SPMIP8: variants seen among roughly 807,000 people sequenced by gnomAD.
SPMIP8 encodes the protein sperm microtubule inner protein 8, also known as testicular tissue protein Li 196.
the SPMIP8 span, chr16:57,985,600 T>C: frequency 6.5e-6 from 10 of 1,527,632 alleles, no homozygotes; most frequent in Non-Finnish European, 8.8e-6. Flanking sequence ...GAGGATGAGG[T>C]CTGGGCCGCT....
the SPMIP8 span, chr16:57,985,108 GTGGGCGGGGCTGGA>G: frequency 7.9e-7 from 1 of 1,273,530 alleles, no homozygotes; most frequent in Non-Finnish European, 1.0e-6. Context: ...GGGCTGGATT[GTGGGCGGGGCTGGA>G]TTGTGGGCGG....
the SPMIP8 span, chr16:57,978,025 C>T: frequency 1.2e-6 from 2 of 1,613,780 alleles, no homozygotes; most frequent in South Asian, 1.1e-5. Context: ...CAGTCCACCA[C>T]CTACTGCCGC....
At chr16:57,983,660 G>A in the SPMIP8 span, among the ~76,000 whole-genome samples, 1 of 152,124 alleles carries the variant, frequency 6.6e-6, no homozygotes, top group Non-Finnish European at 1.5e-5. Context: ...TGCCCATGCT[G>A]GAGTGCAGTG....
the SPMIP8 span, chr16:57,985,033 G>A: frequency 1.9e-6 from 2 of 1,072,556 alleles, no homozygotes; most frequent in South Asian, 1.7e-5. Context: ...CGGAGCCTTC[G>A]GGCCGGGGGC....
At chr16:57,977,053 G>A in the SPMIP8 span, among the ~76,000 whole-genome samples, 1 of 152,090 alleles carries the variant, frequency 6.6e-6, no homozygotes, top group African/African-American at 2.4e-5. Flanking sequence ...TTCACCCAGA[G>A]GTATACGGCA....
At chr16:57,981,387 A>AT in the SPMIP8 span, among the ~76,000 whole-genome samples, 90 of 142,082 alleles carry the variant, frequency 6.3e-4, no homozygotes, top group Admixed American at 9.2e-4. Flanking sequence ...CTCAATAATA[A>AT]TAATAATTAT....
chr16:57,981,534 CAG>C, the SPMIP8 span, among the ~76,000 whole-genome samples: 1 of 86,684 alleles, frequency 1.2e-5, no homozygotes. Flanking sequence ...TTTTTTGAGA[CAG>C]AGTCTCACTC....
chr16:57,984,252 C>T, the SPMIP8 span: 1 of 1,592,902 alleles, frequency 6.3e-7, no homozygotes, highest in Non-Finnish European at 8.6e-7. Flanking sequence ...CCTATGACCT[C>T]TGACCACTGG....
At chr16:57,984,536 C>T in the SPMIP8 span, 7 of 1,496,594 alleles carry the variant, frequency 4.7e-6, no homozygotes, top group South Asian at 1.3e-5. Flanking sequence ...TCCAATGCAC[C>T]GGGCCACTTG....
At chr16:57,985,398 T>C in the SPMIP8 span, 2 of 1,609,694 alleles carry the variant, frequency 1.2e-6, no homozygotes, top group East Asian at 4.5e-5. Flanking sequence ...CCACGGTCTC[T>C]AGCAGGAAGC....
At chr16:57,985,320 T>A in the SPMIP8 span, 1 of 1,498,870 alleles carries the variant, frequency 6.7e-7, no homozygotes, top group Admixed American at 2.2e-5. Flanking sequence ...GGGGTCCTGG[T>A]GGGGAGCGGC....
chr16:57,984,315 A>T, the SPMIP8 span: 1 of 1,614,104 alleles, frequency 6.2e-7, no homozygotes, highest in Admixed American at 1.7e-5. Flanking sequence ...GAATTTGACA[A>T]CGCCCATTTT....
the SPMIP8 span, chr16:57,985,783 G>A: frequency 1.5e-6 from 2 of 1,335,546 alleles, no homozygotes; most frequent in South Asian, 1.5e-5. Context: ...TTCGCATTGG[G>A]TGAAGGCGCC....
At chr16:57,977,426 AAAAG>A in the SPMIP8 span, among the ~76,000 whole-genome samples, 1 of 138,074 alleles carries the variant, frequency 7.2e-6, no homozygotes, top group Non-Finnish European at 1.6e-5. Context: ...AAAAAAAAAG[AAAAG>A]AAAGAAAGAA....
At chr16:57,977,047 C>T in the SPMIP8 span, among the ~76,000 whole-genome samples, 1 of 152,134 alleles carries the variant, frequency 6.6e-6, no homozygotes, top group South Asian at 2.1e-4. Context: ...TAATTATTCA[C>T]CCAGAGGTAT....
chr16:57,985,829 G>C, the SPMIP8 span: 1 of 1,511,926 alleles, frequency 6.6e-7, no homozygotes, highest in East Asian at 2.3e-5. Context: ...GGGAGAGGGG[G>C]TGGCTCCCGA....
At chr16:57,986,453 C>A in the SPMIP8 span, 1 of 152,528 alleles carries the variant, frequency 6.6e-6, no homozygotes, top group African/African-American at 2.4e-5. Context: ...CCCTCCCGGC[C>A]CCACTTTGTA....
At chr16:57,980,744 G>C in the SPMIP8 span, among the ~76,000 whole-genome samples, 1 of 152,180 alleles carries the variant, frequency 6.6e-6, no homozygotes, top group Non-Finnish European at 1.5e-5. Flanking sequence ...ACCCAGGCTA[G>C]AGTGCAATGT....
At chr16:57,980,291 T>C in the SPMIP8 span, among the ~76,000 whole-genome samples, 1 of 152,196 alleles carries the variant, frequency 6.6e-6, no homozygotes, top group Non-Finnish European at 1.5e-5. Context: ...TTCATGAAGA[T>C]AGTACTGACA....
Sources: allele counts gnomAD v4.1 joint callset (sites outside exome capture counted in the v4.1 genomes callset), GRCh38; gene constraint gnomAD v4.1.1; transcripts MANE v1.5; gene names NCBI Gene and HGNC (gene_info 2026-07-23, HGNC 2026-07-21).